Variants in NR6A1 observed in about 807,000 individuals in gnomAD.
NR6A1 encodes the protein nuclear receptor subfamily 6 group A member 1.
Under a neutral mutation model 59.1 loss-of-function variants are expected in NR6A1, and 7 were observed. That is an observed-to-expected ratio of 0.12 (90% CI 0.07 to 0.22). NR6A1 has a LOEUF of 0.22. Ranked by LOEUF, NR6A1 falls within the 10% of genes least tolerant of loss-of-function variation. NR6A1 has a pLI of 1.00. For synonymous variants in NR6A1, 243 were observed against 236.1 expected, an observed-to-expected ratio of 1.03 and a Z score of -0.27; for missense variants, 468 against 611.6, an observed-to-expected ratio of 0.77 and a Z score of 2.48.
rs1473704410 is a variant in NR6A1 at position 124,529,049 on chromosome 9, T to TCCTA, written c.1080-2153_1080-2150dup. 3.9e-5 allele frequency among the ~76,000 whole-genome samples: 6 copies of TCCTA among 152,344 alleles called. No individual in the cohort carries two copies. The East Asian group carries it at 9.6e-4, about 24-fold the overall frequency. ...CGTTGACCTTCGGCCTTGGCATGGCTCCTAGTATGAGCTGGGGATTCTTTT... is the reference window on the plus strand; with the variant it reads ...CGTTGACCTTCGGCCTTGGCATGGCTCCTACCTAGTATGAGCTGGGGATTCTTTT... On this transcript the variant is annotated intron_variant, in intron 7 of 9. Transcript: ENST00000487099.
intron 2 of NR6A1, among the ~76,000 whole-genome samples, chr9:124,703,629 A>G (rs1024104797): frequency 6.6e-6 from 1 of 152,076 alleles, no homozygotes; most frequent in Admixed American, 6.6e-5. Context: ...ATTATTCTAT[A>G]TTGTTGAATT....
At chr9:124,671,026 C>A (rs563807190) in intron 2 of NR6A1, among the ~76,000 whole-genome samples, 2 of 152,212 alleles carry the variant, frequency 1.3e-5, no homozygotes, top group South Asian at 4.1e-4. Context: ...ACGACACATA[C>A]TGTATGATTC....
intron 1 of NR6A1, among the ~76,000 whole-genome samples, chr9:124,757,786 C>T (rs1439600449): frequency 1.3e-5 from 2 of 152,298 alleles, no homozygotes; most frequent in East Asian, 1.9e-4. Flanking sequence ...CCTTAGACAA[C>T]GCTTTAACCC....
chr9:124,762,592 G>C (rs1055563627), intron 1 of NR6A1, among the ~76,000 whole-genome samples: 5 of 152,274 alleles, frequency 3.3e-5, no homozygotes, highest in Admixed American at 2.6e-4. Flanking sequence ...ACTCAATTAA[G>C]TGGTACTTTC....
At chr9:124,715,386 T>C (rs1839387200) in intron 2 of NR6A1, among the ~76,000 whole-genome samples, 1 of 150,546 alleles carries the variant, frequency 6.6e-6, no homozygotes, top group Non-Finnish European at 1.5e-5. Context: ...TTTTAGAAAA[T>C]TGGCCAGATG....
chr9:124,527,773 G>T (rs1355219379), intron 7 of NR6A1, among the ~76,000 whole-genome samples: 3 of 145,262 alleles, frequency 2.1e-5, no homozygotes, highest in Non-Finnish European at 4.4e-5. Context: ...TGAGCTCTCT[G>T]AGGAAAGACC....
Position 124,718,576 on chromosome 9 carries a change from A to C in NR6A1, c.142+14732T>G, listed in dbSNP as rs763906522. Among the ~76,000 whole-genome samples the C allele has an allele frequency of 5.3e-4, 81 of 152,162 alleles. 1 individual carries two copies. Among genetic ancestry groups the C allele is most frequent in the Non-Finnish European group, 1.0e-3 (69 of 68,022 alleles). ...AAATCTGGCAGCTAAAATGAGAGAGAATTTTTTAAATGCATGTCTTTTTTC... is the reference window on the plus strand; with the variant it reads ...AAATCTGGCAGCTAAAATGAGAGAGCATTTTTTAAATGCATGTCTTTTTTC... On this transcript the variant is annotated intron_variant, in intron 2 of 9. Transcript: ENST00000487099.
chr9:124,750,029 A>C (rs1001543832), intron 1 of NR6A1, among the ~76,000 whole-genome samples: 3 of 152,212 alleles, frequency 2.0e-5, no homozygotes, highest in African/African-American at 7.2e-5. Flanking sequence ...CTATTCAAAA[A>C]GTAAATACTA....
intron 6 of NR6A1, among the ~76,000 whole-genome samples, 196 bp from the exon 7 acceptor site, chr9:124,536,328 T>A (rs1833266004): frequency 6.6e-6 from 1 of 152,068 alleles, no homozygotes; most frequent in South Asian, 2.1e-4. Flanking sequence ...AGTTCAGGGC[T>A]GGAGAGGCGG....
At chr9:124,770,640 G>A (rs1841113960) in intron 1 of NR6A1, among the ~76,000 whole-genome samples, 1 of 140,610 alleles carries the variant, frequency 7.1e-6, no homozygotes, top group African/African-American at 2.6e-5. Context: ...GGGGGGAGGG[G>A]AAGGTTCGGT....
chr9:124,546,157 C>A (rs1833593810), intron 3 of NR6A1, among the ~76,000 whole-genome samples: 1 of 152,158 alleles, frequency 6.6e-6, no homozygotes, highest in African/African-American at 2.4e-5. Flanking sequence ...CCCAGAGTAA[C>A]AAAATACGTA....
intron 7 of NR6A1, among the ~76,000 whole-genome samples, chr9:124,527,705 G>C (rs1037746710): frequency 6.6e-6 from 1 of 152,270 alleles, no homozygotes; most frequent in East Asian, 1.9e-4. Context: ...TATCTAAGGT[G>C]GTGTACCCTA....
intron 4 of NR6A1, among the ~76,000 whole-genome samples, chr9:124,543,237 T>C (rs879739778): frequency 2.0e-5 from 3 of 152,144 alleles, no homozygotes; most frequent in African/African-American, 7.2e-5. Flanking sequence ...CCAAGCAGAA[T>C]AGATGCCCCT....
intron 2 of NR6A1, among the ~76,000 whole-genome samples, chr9:124,603,124 C>T (rs1367215168): frequency 6.6e-6 from 1 of 152,140 alleles, no homozygotes; most frequent in African/African-American, 2.4e-5. Flanking sequence ...GCCTGGATCC[C>T]TAAAATATAC....
At chr9:124,627,941 C>T (rs1045109016) in intron 2 of NR6A1, among the ~76,000 whole-genome samples, 2 of 135,402 alleles carry the variant, frequency 1.5e-5, no homozygotes, top group African/African-American at 5.5e-5. Context: ...TACAGTGGTC[C>T]CAAGGAACTA....
chr9:124,599,235 G>C (rs1163257216), intron 2 of NR6A1: 1 of 449,056 alleles, frequency 2.2e-6, no homozygotes, highest in Non-Finnish European at 4.2e-6. Flanking sequence ...CTGAGGTCAG[G>C]AGTTTGAGAC....
intron 1 of NR6A1, among the ~76,000 whole-genome samples, chr9:124,768,240 C>G (rs1338209308): frequency 2.6e-5 from 4 of 152,154 alleles, no homozygotes; most frequent in Non-Finnish European, 5.9e-5. Context: ...ATAGTTGTCT[C>G]TTGAAAATAG....
chr9:124,616,439 A>G (rs1380797891), intron 2 of NR6A1, among the ~76,000 whole-genome samples: 1 of 151,346 alleles, frequency 6.6e-6, no homozygotes, highest in Non-Finnish European at 1.5e-5. Context: ...ACTAGAACTA[A>G]TCACAATCCC....
intron 2 of NR6A1, among the ~76,000 whole-genome samples, chr9:124,579,571 T>TA (rs1295662842): frequency 2.0e-5 from 3 of 151,370 alleles, no homozygotes; most frequent in Non-Finnish European, 4.4e-5. Context: ...ATAATAAAAC[T>TA]ACATGTTAGA....
Sources: allele counts gnomAD v4.1 joint callset (sites outside exome capture counted in the v4.1 genomes callset), GRCh38; gene constraint gnomAD v4.1.1; transcripts MANE v1.5; gene names NCBI Gene and HGNC (gene_info 2026-07-23, HGNC 2026-07-21).